Variants in ADAMTSL1 observed in about 807,000 individuals in gnomAD.
ADAMTSL1 encodes the protein ADAMTS-like protein 1.
A neutral mutation model predicts 201.8 loss-of-function variants in ADAMTSL1; 126 were observed. That is an observed-to-expected ratio of 0.62 (90% CI 0.54 to 0.72). The LOEUF (loss-of-function observed/expected upper bound fraction) is 0.72, where lower values mean the gene tolerates loss of function less well. Among genes scored for constraint, ADAMTSL1 ranks in the 30% least tolerant of loss-of-function variants. ADAMTSL1 has a pLI of 0.00. For missense variants in ADAMTSL1, 2,679 were observed against 2,277.8 expected (o/e 1.18, Z -3.59); for synonymous variants, 1,121 against 903.4 (o/e 1.24, Z -4.32).
intron 1 of ADAMTSL1, among the ~76,000 whole-genome samples, chr9:18,134,169 G>T (rs1036888613): frequency 2.0e-5 from 3 of 152,128 alleles, no homozygotes; most frequent in Admixed American, 2.0e-4. Flanking sequence ...TCCACATATG[G>T]AAGTATGCAC....
chr9:18,246,680 T>C (rs2132472211), intron 2 of ADAMTSL1, among the ~76,000 whole-genome samples: 1 of 152,358 alleles, frequency 6.6e-6, no homozygotes, highest in East Asian at 1.9e-4. Flanking sequence ...AATTTCATAG[T>C]TGCAAAGTGA....
intron 1 of ADAMTSL1, among the ~76,000 whole-genome samples, chr9:17,977,579 C>G (rs534825413): frequency 6.1e-4 from 92 of 151,984 alleles, no homozygotes; most frequent in Admixed American, 2.6e-3. Context: ...AATTTGTTGG[C>G]ATATAGTTGT....
chr9:18,067,958 T>C (rs1822782878), intron 1 of ADAMTSL1, among the ~76,000 whole-genome samples: 1 of 151,890 alleles, frequency 6.6e-6, no homozygotes, highest in Non-Finnish European at 1.5e-5. Flanking sequence ...TTAGAGTAGG[T>C]AAGAAAAGCT....
At chr9:18,584,374 C>CA (rs1331769860) in intron 4 of ADAMTSL1, among the ~76,000 whole-genome samples, 1 of 151,954 alleles carries the variant, frequency 6.6e-6, no homozygotes, top group African/African-American at 2.4e-5. Context: ...GAGGCCCCCC[C>CA]CAGCCACATG....
upstream of ADAMTSL1, among the ~76,000 whole-genome samples, chr9:18,472,470 G>A (rs993133783): frequency 2.0e-5 from 3 of 152,160 alleles, no homozygotes; most frequent in Non-Finnish European, 1.5e-5. Context: ...TTAATATTGA[G>A]AACAAAGGAT....
intron 1 of ADAMTSL1, among the ~76,000 whole-genome samples, chr9:18,051,451 G>A (rs573669390): frequency 6.6e-6 from 1 of 152,236 alleles, no homozygotes; most frequent in African/African-American, 2.4e-5. Context: ...CATTTCAGAG[G>A]CATGTGTCCT....
chr9:18,567,225 G>C (rs1430220334), intron 3 of ADAMTSL1, among the ~76,000 whole-genome samples: 1 of 152,164 alleles, frequency 6.6e-6, no homozygotes, highest in Non-Finnish European at 1.5e-5. Context: ...AGCACTTTGG[G>C]AGGCTGAGGC....
At chr9:18,493,842 T>A (rs908778295) in intron 1 of ADAMTSL1, among the ~76,000 whole-genome samples, 40 of 152,236 alleles carry the variant, frequency 2.6e-4, no homozygotes, top group African/African-American at 9.6e-4. Flanking sequence ...TGTCCTAACC[T>A]GCCTTGTGTT....
In ADAMTSL1 at chr9:18,152,390, G is replaced by A. The variant is rs113990031; in HGVS notation, c.88-11472G>A. On this transcript the variant is annotated intron_variant, in intron 1 of 29. Coordinates refer to the ADAMTSL1 transcript ENST00000680146. ...TATGAATGCAGGAAATATAGAACAC[G>A]CCACATAAGAGCCATGGTTCCATGC... Among the ~76,000 whole-genome samples, 816 of 152,102 alleles carry A rather than the reference G, an allele frequency of 5.4e-3. 13 individuals carry two copies. Among genetic ancestry groups the A allele is most frequent in the African/African-American group, 0.018 (765 of 41,526 alleles).
intron 2 of ADAMTSL1, among the ~76,000 whole-genome samples, chr9:18,197,836 C>T (rs989091252): frequency 9.9e-5 from 15 of 152,050 alleles, no homozygotes; most frequent in African/African-American, 3.4e-4. Flanking sequence ...CTGGAGGCAT[C>T]ACACTACCTG....
At chr9:17,980,691 A>G (rs1818654151) in intron 1 of ADAMTSL1, among the ~76,000 whole-genome samples, 1 of 152,130 alleles carries the variant, frequency 6.6e-6, no homozygotes, top group Non-Finnish European at 1.5e-5. Context: ...GAGAAACACA[A>G]AAGAGAGGAT....
chr9:18,849,508 A>T (rs1826346023), intron 23 of ADAMTSL1, among the ~76,000 whole-genome samples: 1 of 152,220 alleles, frequency 6.6e-6, no homozygotes, highest in Admixed American at 6.5e-5. Context: ...GGGAACAGCA[A>T]GTTCTGATGG....
intron 2 of ADAMTSL1, among the ~76,000 whole-genome samples, chr9:18,408,737 C>G (rs2133300761): frequency 6.6e-6 from 1 of 152,280 alleles, no homozygotes; most frequent in African/African-American, 2.4e-5. Context: ...CAACTATCCC[C>G]ATTGCTATCC....
intron 1 of ADAMTSL1, among the ~76,000 whole-genome samples, chr9:18,084,090 C>T (rs1199158002): frequency 6.6e-6 from 1 of 152,218 alleles, no homozygotes; most frequent in Non-Finnish European, 1.5e-5. Context: ...ACAAGTTTCC[C>T]TACCTCCCAA....
chr9:18,797,953 CTG>C (rs1276254828), intron 20 of ADAMTSL1, among the ~76,000 whole-genome samples: 1 of 152,172 alleles, frequency 6.6e-6, no homozygotes, highest in Non-Finnish European at 1.5e-5. Context: ...TGTCTTAACA[CTG>C]AGATTTTTCA....
chr9:18,663,093 C>T (rs1013868598), intron 9 of ADAMTSL1, among the ~76,000 whole-genome samples: 1 of 152,098 alleles, frequency 6.6e-6, no homozygotes, highest in Non-Finnish European at 1.5e-5. Context: ...GCAAATCATT[C>T]TATTTTGAGG....
At chr9:18,865,587 C>G (rs1447377506) in intron 23 of ADAMTSL1, among the ~76,000 whole-genome samples, 1 of 152,162 alleles carries the variant, frequency 6.6e-6, no homozygotes, top group African/African-American at 2.4e-5. Context: ...CTAAACTTTT[C>G]ATACTTTCCA....
At chr9:18,418,204 A>C (rs1818773122) in intron 2 of ADAMTSL1, among the ~76,000 whole-genome samples, 1 of 152,196 alleles carries the variant, frequency 6.6e-6, no homozygotes, top group Non-Finnish European at 1.5e-5. Flanking sequence ...CTAACTGATA[A>C]AGAGTATCTG....
At chr9:18,845,054 A>G (rs1045508391) in intron 23 of ADAMTSL1, among the ~76,000 whole-genome samples, 3 of 152,150 alleles carry the variant, frequency 2.0e-5, no homozygotes, top group Admixed American at 6.5e-5. Context: ...ACTGTCCTGC[A>G]CCCACTGTCT....
Sources: allele counts gnomAD v4.1 joint callset (sites outside exome capture counted in the v4.1 genomes callset), GRCh38; gene constraint gnomAD v4.1.1; transcripts MANE v1.5; gene names NCBI Gene and HGNC (gene_info 2026-07-23, HGNC 2026-07-21).